WDR75: variants seen among roughly 807,000 people sequenced by gnomAD.
The protein encoded by WDR75 is WD repeat domain 75.
WDR75 carries 52 observed loss-of-function variants against 106.1 expected under a neutral mutation model. The ratio of observed to expected loss-of-function variants is 0.49; its 90% confidence interval spans 0.39 to 0.62. The LOEUF (loss-of-function observed/expected upper bound fraction) is 0.62, where lower values mean the gene tolerates loss of function less well. WDR75 is among the 20% of genes least tolerant of loss of function. The pLI is 0.00. For synonymous variants in WDR75, 333 were observed against 335.5 expected (o/e 0.99, Z 0.08); for missense variants, 905 against 970.3 (o/e 0.93, Z 0.89).
intron 5 of WDR75, 128 bp downstream of exon 5, chr2:189,455,572 GA>G (rs1218572170): frequency 1.6e-6 from 2 of 1,223,488 alleles, no homozygotes; most frequent in Non-Finnish European, 2.3e-6. Context: ...TAGTAACTAA[GA>G]AGCCTCTTCA....
intron 6 of WDR75, among the ~76,000 whole-genome samples, chr2:189,457,933 T>A (rs1686773411): frequency 6.7e-6 from 1 of 148,940 alleles, no homozygotes; most frequent in African/African-American, 2.5e-5. Flanking sequence ...GCTTTTTTTT[T>A]TTTTTTTTTT....
intron 4 of WDR75, among the ~76,000 whole-genome samples, chr2:189,452,510 T>C (rs6740742): frequency 0.065 from 9,656 of 149,504 alleles, 480 homozygotes; most frequent in African/African-American, 0.14. Context: ...TGCAGTGAGC[T>C]GAGATGGCGC....
chr2:189,441,993 T>C (rs958641030), intron 1 of WDR75, among the ~76,000 whole-genome samples: 2 of 152,198 alleles, frequency 1.3e-5, no homozygotes, highest in Admixed American at 6.5e-5. Context: ...TGAAGCATAG[T>C]GCATGAAGCA....
At chr2:189,471,235 A>G (rs907078050) in intron 18 of WDR75, among the ~76,000 whole-genome samples, 1 of 152,164 alleles carries the variant, frequency 6.6e-6, no homozygotes, top group Admixed American at 6.6e-5. Flanking sequence ...AAATGTTTAT[A>G]TTTCTAATTA....
chr2:189,446,738 A>G (rs1220793579), intron 1 of WDR75, among the ~76,000 whole-genome samples: 1 of 152,226 alleles, frequency 6.6e-6, no homozygotes, highest in African/African-American at 2.4e-5. Flanking sequence ...GACACTCTAT[A>G]TAGTAAATGT....
chr2:189,472,970 C>T (rs952500710), intron 18 of WDR75, among the ~76,000 whole-genome samples: 3 of 152,018 alleles, frequency 2.0e-5, no homozygotes, highest in African/African-American at 7.2e-5. Flanking sequence ...TGTAATCCCA[C>T]ATTTTGGAAG....
intron 1 of WDR75, 129 bp downstream of exon 1, chr2:189,441,707 G>T (rs1686369929): frequency 9.7e-7 from 1 of 1,030,608 alleles, no homozygotes; most frequent in Non-Finnish European, 1.4e-6. Flanking sequence ...TAGAGCACGC[G>T]CCTGTGGGGG....
At chr2:189,468,177 G>C (rs1227759481) in intron 14 of WDR75, among the ~76,000 whole-genome samples, 1 of 152,012 alleles carries the variant, frequency 6.6e-6, no homozygotes, top group African/African-American at 2.4e-5. Context: ...TTGGTAAATA[G>C]GATTTTTGTC....
At chr2:189,452,083 G>T in intron 4 of WDR75, 188 bp downstream of exon 4, 1 of 520,830 alleles carries the variant, frequency 1.9e-6, no homozygotes, top group Non-Finnish European at 3.4e-6. Context: ...CAGTGAGGGA[G>T]GGATTATTTT....
intron 5 of WDR75, among the ~76,000 whole-genome samples, chr2:189,457,069 C>T (rs575651494): frequency 6.6e-6 from 1 of 152,030 alleles, no homozygotes; most frequent in African/African-American, 2.4e-5. Flanking sequence ...TGGTGAAACC[C>T]ATCTCTACTA....
chr2:189,470,145 A>C lies in WDR75; in HGVS notation c.1889A>C (p.Gln630Pro). 6.2e-7 allele frequency: 1 copy of C among 1,613,644 alleles called. No individual in the cohort carries two copies. The highest frequency in any genetic ancestry group is 8.5e-7 in the Non-Finnish European group (1 of 1,179,648). ...AAGGGTATCTCCAGAGAGAAAGTCC[A>C]GTGGGGAGTGTTTGTTCCACGAGAT... ...IQKGISREKV[Q>P]WGVFVPRDVP... Residue 630 changes from glutamine to proline, a missense_variant, in exon 17 of 21, where the codon CAG (glutamine) becomes CCG (proline). Transcript: ENST00000314761.
In WDR75 at chr2:189,474,291, G is replaced by A; in HGVS notation, c.2155G>A (p.Val719Ile). The A allele has an allele frequency of 6.2e-7, 1 of 1,613,612 alleles. No individual in the cohort carries two copies. Among genetic ancestry groups the A allele is most frequent in the Non-Finnish European group, 8.5e-7 (1 of 1,179,754 alleles). Reference protein sequence around the residue: ...KLNETLENELVQLPLTENIPA... With the variant: ...KLNETLENELIQLPLTENIPA... Reference sequence around the variant, plus strand: ...AAACGAAACTTTAGAGAATGAGCTGGTACAACTACCCTTAACAGAAAACAT... The same window carrying A: ...AAACGAAACTTTAGAGAATGAGCTGATACAACTACCCTTAACAGAAAACAT... Residue 719 changes from valine to isoleucine, a missense_variant, in exon 19 of 21, where the codon GTA (valine) becomes ATA (isoleucine). By Grantham distance (29) the Val-to-Ile change is conservative. Transcript: ENST00000314761.
rs968867979 is a variant in WDR75 at position 189,451,952 on chromosome 2, T to C, written c.373+57T>C. 17 of 1,385,186 alleles carry C rather than the reference T, an allele frequency of 1.2e-5. No individual in the cohort carries two copies. The African/African-American group carries it at 1.6e-4, about 13-fold the overall frequency. 85.8% of individuals were successfully genotyped at this position (1,385,186 alleles called of 1,614,324 possible). ...TTGAGTGGCTCTTTACATTTTACAG[T>C]TCCTCAAAATTTAACATTTTGGTTT... On this transcript the variant is annotated intron_variant, in intron 4 of 20. Coordinates refer to ENST00000314761, the MANE Select transcript of WDR75 (RefSeq NM_032168.3).
Position 189,441,565 on chromosome 2 carries a change from T to C in WDR75, c.73T>C (p.Ser25Pro). 6.4e-7 allele frequency: 1 copy of C among 1,559,204 alleles called. No homozygotes were observed. The highest frequency in any genetic ancestry group is 8.7e-7 in the Non-Finnish European group (1 of 1,150,484). Reference protein sequence around the residue: ...SELNFRRAVFSADSKYIFCVS... With the variant: ...SELNFRRAVFPADSKYIFCVS... ...GTTGAACTTTAGGAGAGCTGTGTTC[T>C]CTGCAGATTCTAAGTATGAGGGGCA... Residue 25 changes from serine (S) to proline (P), a missense_variant, in exon 1 of 21, where the codon TCT becomes CCT. Transcript: ENST00000314761.
At position 189,468,561 on chromosome 2, in the gene WDR75, G is replaced by T. The variant is rs745924453; in HGVS notation, c.1715G>T (p.Ser572Ile). The change falls in exon 15 of 21, where the codon AGC (serine) becomes ATC (isoleucine). Residue 572 changes from serine (S) to isoleucine (I), a missense_variant. By Grantham distance (142) the Ser-to-Ile change is moderately radical (BLOSUM62 -2). Coordinates refer to ENST00000314761, the MANE Select transcript of WDR75 (RefSeq NM_032168.3). ...ATTCTTTGCTGTTGGAATCTGCTGAGCTGTGCATGTAAGATATTTTTTACT... is the reference window on the plus strand; with the variant it reads ...ATTCTTTGCTGTTGGAATCTGCTGATCTGTGCATGTAAGATATTTTTTACT... ...NGILCCWNLL[S>I]CALEWNAKLN... 3.1e-6 allele frequency: 5 copies of T among 1,612,982 alleles called. No homozygotes were observed. Among genetic ancestry groups the T allele is most frequent in the Non-Finnish European group, 4.2e-6 (5 of 1,179,306 alleles).
At chr2:189,462,680 C>T in intron 9 of WDR75, 38 bp downstream of exon 9, 1 of 1,583,476 alleles carries the variant, frequency 6.3e-7, no homozygotes, top group Non-Finnish European at 8.6e-7. Context: ...AATATATAAA[C>T]ACCATAAATT....
intron 20 of WDR75, 108 bp downstream of exon 20, chr2:189,474,916 A>T (rs1366273516): frequency 2.2e-6 from 2 of 925,798 alleles, no homozygotes; most frequent in African/African-American, 3.4e-5. Context: ...TTTATTTCAT[A>T]AGTTTTAAAA....
In WDR75 at chr2:189,462,614, T is replaced by A; in HGVS notation, c.909T>A (p.Asp303Glu). The A allele has an allele frequency of 1.2e-6, 2 of 1,613,878 alleles. No homozygotes were observed. The highest frequency in any genetic ancestry group is 1.7e-6 in the Non-Finnish European group (2 of 1,179,890). ...IEHISVSPAG[D>E]LFCTSHSDNK... ...ATATCTCAGTCTCGCCTGCAGGAGA[T>A]TTATTCTGCACTTCTCACTCTGATA... The change falls in exon 9 of 21, where the codon GAT (aspartate) becomes GAA (glutamate). Residue 303 changes from aspartate to glutamate, a missense_variant. Asp to Glu is a conservative substitution (Grantham distance 45, BLOSUM62 2). Transcript: ENST00000314761.
At chr2:189,460,124 C>T (rs1302825233) in intron 8 of WDR75, among the ~76,000 whole-genome samples, 1 of 152,078 alleles carries the variant, frequency 6.6e-6, no homozygotes, top group African/African-American at 2.4e-5. Flanking sequence ...ATCCTCACAC[C>T]CATGTGGTGA....
Sources: allele counts gnomAD v4.1 joint callset (sites outside exome capture counted in the v4.1 genomes callset), GRCh38; gene constraint gnomAD v4.1.1; transcripts MANE v1.5; gene names NCBI Gene and HGNC (gene_info 2026-07-23, HGNC 2026-07-21).